The following NAALADL2 variants were observed in gnomAD, a reference collection of about 807,000 sequenced individuals.
NAALADL2 encodes N-acetylated alpha-linked acidic dipeptidase like 2, also known as inactive N-acetylated-alpha-linked acidic dipeptidase-like protein 2.
Under a neutral mutation model 87.2 loss-of-function variants are expected in NAALADL2, and 76 were observed. The observed-to-expected ratio is 0.87, with a 90% CI of 0.72 to 1.05. The LOEUF is 1.05. Among genes scored for constraint, NAALADL2 ranks in the 50% least tolerant of loss-of-function variants. The pLI, the probability that NAALADL2 is intolerant of heterozygous loss-of-function variation, is 0.00. For missense variants in NAALADL2, 1,089 were observed against 945.8 expected, an observed-to-expected ratio of 1.15 and a Z score of -1.99; for synonymous variants, 354 against 331.0, an observed-to-expected ratio of 1.07 and a Z score of -0.75.
At chr3:175,220,922 G>T (rs570017924) in intron 2 of NAALADL2, among the ~76,000 whole-genome samples, 2 of 152,106 alleles carry the variant, frequency 1.3e-5, no homozygotes, top group Admixed American at 6.6e-5. Flanking sequence ...TAGGCTGGGC[G>T]TGGTGGCTCA....
In NAALADL2 at chr3:174,882,881, GTGTATATA is replaced by G. The variant is rs1387087358; in HGVS notation, c.43+23441_43+23448del. 2.6e-4 allele frequency among the ~76,000 whole-genome samples: 39 copies of G among 148,994 alleles called. No individual in the cohort carries two copies. In the East Asian group the frequency reaches 7.6e-3, roughly 29 times the overall value. On this transcript the variant is annotated intron_variant, in intron 1 of 13. Transcript: ENST00000454872. ...TATACATATGTGTATATGTGTATAT[GTGTATATA>G]TGTATATATATGTGTATATATATGT...
At chr3:175,764,709 A>T (rs1242208983) in intron 13 of NAALADL2, among the ~76,000 whole-genome samples, 2 of 152,172 alleles carry the variant, frequency 1.3e-5, no homozygotes, top group Non-Finnish European at 2.9e-5. Flanking sequence ...GTTTATATTT[A>T]GGCAAGCAAT....
At chr3:174,704,427 T>C (rs1310423912) in intron 2 of NAALADL2, among the ~76,000 whole-genome samples, 1 of 152,138 alleles carries the variant, frequency 6.6e-6, no homozygotes, top group Non-Finnish European at 1.5e-5. Context: ...TAATTTAATA[T>C]TTGATAGTAA....
chr3:174,572,294 T>C (rs886072927), intron 2 of NAALADL2, among the ~76,000 whole-genome samples: 2 of 152,130 alleles, frequency 1.3e-5, no homozygotes, highest in Admixed American at 6.6e-5. Context: ...CTGGCTAAAA[T>C]ATTGTAGTTG....
intron 2 of NAALADL2, among the ~76,000 whole-genome samples, chr3:175,233,595 G>C (rs1745335869): frequency 6.6e-6 from 1 of 152,042 alleles, no homozygotes; most frequent in African/African-American, 2.4e-5. Flanking sequence ...ATGCATACCA[G>C]GACATCAGGC....
In NAALADL2 at chr3:175,466,931, T is replaced by C. The variant is rs1365365696; in HGVS notation, c.1328-48T>C. The C allele has an allele frequency of 1.5e-5, 21 of 1,401,918 alleles. 1 individual carries two copies. The South Asian group carries it at 2.3e-4, about 16-fold the overall frequency. 86.8% of individuals were successfully genotyped at this position (1,401,918 alleles called of 1,614,324 possible). On this transcript the variant is annotated intron_variant, in intron 7 of 13. Transcript: ENST00000454872. The stretch of plus-strand genomic sequence containing the variant: ...TATGTAAATGTCATTAAATTTATTG[T>C]TAAGGTTTACATTTTTTTAAATGGC...
At chr3:174,860,275 C>G (rs1726324313) in intron 1 of NAALADL2, among the ~76,000 whole-genome samples, 1 of 151,988 alleles carries the variant, frequency 6.6e-6, no homozygotes, top group Non-Finnish European at 1.5e-5. Flanking sequence ...TTTCTTTAAT[C>G]TTTTCTCTAC....
intron 4 of NAALADL2, 69 bp from the exon 5 acceptor site, chr3:175,324,106 G>A (rs1760370211): frequency 4.8e-6 from 6 of 1,254,344 alleles, no homozygotes; most frequent in Non-Finnish European, 5.6e-6. Context: ...AGCCACATTG[G>A]CAAAATGGCA....
In NAALADL2 at chr3:175,107,572, G is replaced by A. The variant is rs1723421519; in HGVS notation, c.545+10281G>A. Among the ~76,000 whole-genome samples, 3 of 151,200 alleles carry A rather than the reference G, an allele frequency of 2.0e-5. No homozygotes were observed. The Admixed American group carries it at 2.0e-4, about 10-fold the overall frequency. On this transcript the variant is annotated intron_variant, in intron 2 of 13. Coordinates refer to ENST00000454872, the MANE Select transcript of NAALADL2 (RefSeq NM_207015.3). ...CACATCCTATACGTTCTGTTTCTCA[G>A]GAGAACCCTGTTTTATACATACAGA...
chr3:175,320,768 C>G (rs2110393251), intron 4 of NAALADL2, among the ~76,000 whole-genome samples: 1 of 152,182 alleles, frequency 6.6e-6, no homozygotes, highest in Non-Finnish European at 1.5e-5. Flanking sequence ...CACATGCACT[C>G]TCCCAAGACT....
At chr3:174,907,082 A>G (rs1282008311) in intron 1 of NAALADL2, among the ~76,000 whole-genome samples, 2 of 152,074 alleles carry the variant, frequency 1.3e-5, no homozygotes, top group East Asian at 3.9e-4. Flanking sequence ...TTGTCATTTA[A>G]TCCAAATTGA....
At chr3:175,443,622 G>A (rs1458825749) in intron 5 of NAALADL2, among the ~76,000 whole-genome samples, 1 of 152,026 alleles carries the variant, frequency 6.6e-6, no homozygotes, top group South Asian at 2.1e-4. Context: ...ATTTTGGCAG[G>A]ACTCAGAAAA....
intron 9 of NAALADL2, among the ~76,000 whole-genome samples, chr3:175,534,864 G>T (rs1734590699): frequency 6.6e-6 from 1 of 151,464 alleles, no homozygotes; most frequent in Non-Finnish European, 1.5e-5. Flanking sequence ...CACAGCAGTT[G>T]CAGTAGTTCT....
At chr3:175,162,215 A>G (rs949897010) in intron 2 of NAALADL2, among the ~76,000 whole-genome samples, 1 of 152,124 alleles carries the variant, frequency 6.6e-6, no homozygotes, top group Non-Finnish European at 1.5e-5. Context: ...GTATCATATT[A>G]CCTATCCCCA....
intron 1 of NAALADL2, among the ~76,000 whole-genome samples, chr3:175,014,745 A>G (rs1030860858): frequency 9.2e-5 from 14 of 152,282 alleles, no homozygotes; most frequent in African/African-American, 2.6e-4. Flanking sequence ...CATCCCAAAC[A>G]CTATCTAATT....
chr3:175,223,302 C>T (rs1286822062), intron 2 of NAALADL2, among the ~76,000 whole-genome samples: 4 of 151,836 alleles, frequency 2.6e-5, no homozygotes, highest in East Asian at 3.9e-4. Context: ...CCCTACCTCC[C>T]GGCAACCACC....
At chr3:175,717,205 T>C (rs1176009427) in intron 11 of NAALADL2, among the ~76,000 whole-genome samples, 1 of 152,114 alleles carries the variant, frequency 6.6e-6, no homozygotes, top group Admixed American at 6.6e-5. Flanking sequence ...CCCAAAGCAC[T>C]TCGATTACAG....
chr3:174,827,068 C>T (rs1363651903), intron 3 of NAALADL2, among the ~76,000 whole-genome samples: 2 of 152,144 alleles, frequency 1.3e-5, no homozygotes, highest in Non-Finnish European at 2.9e-5. Flanking sequence ...TTTTAAACTT[C>T]TTGAGTTCAA....
At chr3:174,827,188 T>A (rs1467478301) in intron 3 of NAALADL2, among the ~76,000 whole-genome samples, 1 of 152,182 alleles carries the variant, frequency 6.6e-6, no homozygotes, top group Non-Finnish European at 1.5e-5. Context: ...GTCATAAACA[T>A]CATTTCAGTT....
Sources: allele counts gnomAD v4.1 joint callset (sites outside exome capture counted in the v4.1 genomes callset), GRCh38; gene constraint gnomAD v4.1.1; transcripts MANE v1.5; gene names NCBI Gene and HGNC (gene_info 2026-07-23, HGNC 2026-07-21).